DPP6: variants seen among roughly 807,000 people sequenced by gnomAD.
DPP6 encodes the protein A-type potassium channel modulatory protein DPP6.
DPP6 carries 69 observed loss-of-function variants against 122.6 expected under a neutral mutation model. That is an observed-to-expected ratio of 0.56 (90% CI 0.46 to 0.69). The LOEUF (loss-of-function observed/expected upper bound fraction) is 0.69. Among genes scored for constraint, DPP6 ranks in the 30% least tolerant of loss-of-function variants. The probability of loss-of-function intolerance (pLI) is 0.00; values close to 1 mark genes in which losing one functional copy is unlikely to be tolerated. For missense variants in DPP6, 928 were observed against 1,116.9 expected (o/e 0.83, Z 2.41); for synonymous variants, 418 against 433.1 (o/e 0.97, Z 0.43).
At chr7:153,855,214 T>C in the DPP6 span, among the ~76,000 whole-genome samples, 2 of 151,156 alleles carry the variant, frequency 1.3e-5, no homozygotes, top group Admixed American at 1.3e-4. Context: ...AATGTGCACA[T>C]GTACCCTAAA....
At chr7:154,336,140 C>T (rs1273398882) in intron 1 of DPP6, among the ~76,000 whole-genome samples, 1 of 152,116 alleles carries the variant, frequency 6.6e-6, no homozygotes, top group Non-Finnish European at 1.5e-5. Context: ...GGACATCTTG[C>T]AGCCTCTGAA....
chr7:154,703,626 A>C (rs944330856), intron 7 of DPP6, among the ~76,000 whole-genome samples: 10 of 151,666 alleles, frequency 6.6e-5, no homozygotes, highest in African/African-American at 2.2e-4. Context: ...CTCAAAAAAA[A>C]AAAAAAAAAG....
At chr7:154,460,853 A>G (rs1037674667) in intron 2 of DPP6, among the ~76,000 whole-genome samples, 2 of 152,218 alleles carry the variant, frequency 1.3e-5, no homozygotes, top group African/African-American at 4.8e-5. Context: ...GTTGCAAACA[A>G]TCCAATTATA....
chr7:153,749,022 G>A, the DPP6 span, among the ~76,000 whole-genome samples: 1 of 152,134 alleles, frequency 6.6e-6, no homozygotes, highest in East Asian at 1.9e-4. This position sits in a 1 kb window ranked among gnomAD's most constrained non-coding sequence, Gnocchi z 4.1. Flanking sequence ...AGGGACCAGC[G>A]ACGGAGGGGG....
chr7:153,963,891 C>G (rs7804177), intron 1 of DPP6, among the ~76,000 whole-genome samples: 3,170 of 152,286 alleles, frequency 0.021, 98 homozygotes, highest in African/African-American at 0.072. Flanking sequence ...CCTGGTTGAG[C>G]TCTGAGACTT....
At chr7:154,146,729 T>C (rs1356019240) in intron 1 of DPP6, among the ~76,000 whole-genome samples, 5,573 of 143,220 alleles carry the variant, frequency 0.039, no homozygotes, top group African/African-American at 0.15. Flanking sequence ...GGCACTTGTG[T>C]CGGAGAAAGA....
chr7:153,877,816 T>G, the DPP6 span, among the ~76,000 whole-genome samples: 1,026 of 152,254 alleles, frequency 6.7e-3, 9 homozygotes, highest in Non-Finnish European at 6.6e-3. Flanking sequence ...AAAAAGAACA[T>G]CATTTTAATG....
intron 1 of DPP6, among the ~76,000 whole-genome samples, chr7:154,122,532 C>A (rs1395419739): frequency 8.5e-5 from 13 of 152,284 alleles, no homozygotes; most frequent in African/African-American, 2.9e-4. Context: ...TGACTTTGAG[C>A]CTGTTTCCTA....
At chr7:154,575,402 T>C (rs1831542334) in intron 5 of DPP6, among the ~76,000 whole-genome samples, 1 of 129,314 alleles carries the variant, frequency 7.7e-6, no homozygotes. Flanking sequence ...GTAGTGTGTG[T>C]GTGGTGTTTG....
chr7:154,124,127 A>G (rs1348565539), intron 1 of DPP6, among the ~76,000 whole-genome samples: 2 of 152,048 alleles, frequency 1.3e-5, no homozygotes, highest in Non-Finnish European at 2.9e-5. Flanking sequence ...TTACCTGGGA[A>G]TGAAGTTCCA....
At chr7:154,471,043 G>T (rs1201127343) in intron 2 of DPP6, among the ~76,000 whole-genome samples, 1 of 152,118 alleles carries the variant, frequency 6.6e-6, no homozygotes, top group East Asian at 1.9e-4. Flanking sequence ...CTGAGGTCAG[G>T]AGTTCGAGAC....
intron 7 of DPP6, among the ~76,000 whole-genome samples, chr7:154,715,252 A>C (rs1841417286): frequency 6.6e-6 from 1 of 152,078 alleles, no homozygotes; most frequent in Non-Finnish European, 1.5e-5. Context: ...TTTTTTAAGT[A>C]GAGATGGGTT....
rs1563856769 is a variant in DPP6 at position 154,561,265 on chromosome 7, T to G, written c.553-5577T>G. On this transcript the variant is annotated intron_variant, in intron 4 of 25. Transcript: ENST00000377770. Reference sequence around the variant, plus strand: ...TAACCAAGTCAACCGAATTGACATGTGTGCATCACATCACTCATCAATAGA... The same window carrying G: ...TAACCAAGTCAACCGAATTGACATGGGTGCATCACATCACTCATCAATAGA... 2.6e-5 allele frequency among the ~76,000 whole-genome samples: 4 copies of G among 152,358 alleles called. No homozygotes were observed. In the East Asian group the frequency reaches 5.8e-4, roughly 22 times the overall value.
intron 3 of DPP6, among the ~76,000 whole-genome samples, chr7:154,519,191 C>G: frequency 6.6e-6 from 1 of 151,730 alleles, no homozygotes; most frequent in East Asian, 1.9e-4. Flanking sequence ...GGGAAAGAGT[C>G]TCTAGTCAGA....
At chr7:153,865,708 T>C in the DPP6 span, among the ~76,000 whole-genome samples, 1 of 152,186 alleles carries the variant, frequency 6.6e-6, no homozygotes, top group African/African-American at 2.4e-5. Context: ...ACGTGCACGT[T>C]TGTTACATAT....
chr7:153,889,536 A>G (rs1312800765), intron 1 of DPP6, among the ~76,000 whole-genome samples: 1 of 152,242 alleles, frequency 6.6e-6, no homozygotes. Flanking sequence ...TATAACTTGC[A>G]TGGCATGAAA....
intron 1 of DPP6, among the ~76,000 whole-genome samples, chr7:154,394,072 A>C (rs918401419): frequency 1.3e-5 from 2 of 152,122 alleles, no homozygotes; most frequent in African/African-American, 4.8e-5. Flanking sequence ...GTTTCCATCC[A>C]TGTTTTAGGT....
At chr7:154,742,949 G>A (rs1313256268) in intron 8 of DPP6, among the ~76,000 whole-genome samples, 2 of 151,870 alleles carry the variant, frequency 1.3e-5, no homozygotes, top group Non-Finnish European at 2.9e-5. Flanking sequence ...CCCCTTTACT[G>A]CTAAGTCAAA....
chr7:154,779,042 A>C, intron 10 of DPP6, among the ~76,000 whole-genome samples: 1 of 138,686 alleles, frequency 7.2e-6, no homozygotes, highest in Non-Finnish European at 1.6e-5. Context: ...CACCACCACC[A>C]CAACTACCCC....
Sources: gnomAD v4.1 joint callset for allele counts (sites outside exome capture counted in the v4.1 genomes callset) on GRCh38, gnomAD v4.1.1 for gene constraint, Gnocchi (gnomAD v3.1) non-coding constraint, MANE v1.5 for transcripts, NCBI Gene and HGNC (gene_info 2026-07-23, HGNC 2026-07-21) for gene names.